The following PCNX4 variants were observed in gnomAD, a reference collection of about 807,000 sequenced individuals.
PCNX4 encodes pecanex 4.
A neutral mutation model predicts 107.2 loss-of-function variants in PCNX4; 103 were observed. The ratio of observed to expected loss-of-function variants is 0.96; its 90% confidence interval spans 0.82 to 1.13. The LOEUF is 1.13. PCNX4 is among the 50% of genes most tolerant of loss of function. The pLI is 0.00. For synonymous variants in PCNX4, 541 were observed against 481.7 expected (o/e 1.12, Z -1.61); for missense variants, 1,528 against 1,379.4 (o/e 1.11, Z -1.71).
rs902677148 is a variant in PCNX4, at chr14:60,136,356, T to C, written c.*2135T>C. ...CAACAATTGATTCTAGGCCCCCCTT[T>C]GTGTTTCTGCAATCACCATAGATAA... On this transcript the variant is annotated 3_prime_UTR_variant, in exon 11 of 11. Coordinates refer to ENST00000406854, the MANE Select transcript of PCNX4 (RefSeq NM_001330177.2). 1.3e-5 allele frequency: 2 copies of C among 152,204 alleles called. No individual in the cohort carries two copies. Among genetic ancestry groups the C allele is most frequent in the Non-Finnish European group, 2.9e-5 (2 of 68,028 alleles). The allele number at this position is 152,204 out of a possible 1,614,324, so 9.4% of individuals were successfully genotyped here.
intron 1 of PCNX4, among the ~76,000 whole-genome samples, chr14:60,095,454 A>T (rs943226779): frequency 2.0e-5 from 3 of 152,188 alleles, no homozygotes; most frequent in Non-Finnish European, 4.4e-5. Flanking sequence ...TGGGCAAAAT[A>T]TAGGGGAGGT....
chr14:60,116,182 C>A, intron 6 of PCNX4, 122 bp downstream of exon 6: 1 of 992,136 alleles, frequency 1.0e-6, no homozygotes, highest in Non-Finnish European at 1.4e-6. Context: ...ACATTTTCAA[C>A]ATCCCAAAAA....
chr14:60,112,443 GT>G (rs1216240785), intron 2 of PCNX4, among the ~76,000 whole-genome samples: 1 of 152,078 alleles, frequency 6.6e-6, no homozygotes, highest in Non-Finnish European at 1.5e-5. Flanking sequence ...TAATTTAAGT[GT>G]TTTTCCATAT....
rs1896428369 is a variant in PCNX4 at position 60,147,169 on chromosome 14, A to G, written c.*12948A>G. The G allele has an allele frequency of 6.6e-6, 1 of 152,058 alleles. No homozygotes were observed. The highest frequency in any genetic ancestry group is 2.4e-5 in the African/African-American group (1 of 41,388). The allele number at this position is 152,058 out of a possible 1,614,324, so 9.4% of individuals were successfully genotyped here. A position where few individuals can be genotyped will look rare whatever the true frequency, so the allele number is the denominator to read the frequency against. ...GATTGCTTGAGCCTGGGAGGTAGAG[A>G]TGGGAGTGAGCCATGATCACGCCAC... On this transcript the variant is annotated 3_prime_UTR_variant, in exon 11 of 11. Coordinates refer to ENST00000406854, the MANE Select transcript of PCNX4 (RefSeq NM_001330177.2).
At position 60,136,689 on chromosome 14, in the gene PCNX4, G is replaced by C. The variant is rs1233339502; in HGVS notation, c.*2468G>C. The C allele has an allele frequency of 1.3e-5, 2 of 148,614 alleles. No individual in the cohort carries two copies. Among genetic ancestry groups the C allele is most frequent in the African/African-American group, 4.8e-5 (2 of 41,282 alleles). 9.2% of individuals were successfully genotyped at this position (148,614 alleles called of 1,614,324 possible). The stretch of plus-strand genomic sequence containing the variant: ...TGGGCGTACTTATAGGCATGGGTGA[G>C]AGGGGTCTGGGCAGTATGGCTTGCT... On this transcript the variant is annotated 3_prime_UTR_variant, in exon 11 of 11. Coordinates refer to ENST00000406854, the MANE Select transcript of PCNX4 (RefSeq NM_001330177.2).
intron 6 of PCNX4, among the ~76,000 whole-genome samples, chr14:60,118,037 C>T (rs901908373): frequency 4.0e-5 from 6 of 150,096 alleles, no homozygotes; most frequent in Non-Finnish European, 8.9e-5. Flanking sequence ...TTGTCAATTT[C>T]TGCATTATCT....
In PCNX4 at chr14:60,125,219, A is replaced by G. The variant is rs1386637734; in HGVS notation, c.3048A>G (p.Pro1016=). The part of the protein sequence containing the change: ...SVALDWLTEK[P]ELFQLALKAF... The stretch of plus-strand genomic sequence containing the variant: ...CTTTGGACTGGCTCACAGAAAAGCC[A>G]GAACTGTTTCAACTAGCACTGAAAG... The change falls in exon 9 of 11, where the codon CCA becomes CCG. Residue 1016 remains proline (P), a synonymous_variant. Coordinates refer to ENST00000406854, the MANE Select transcript of PCNX4 (RefSeq NM_001330177.2). The G allele has an allele frequency of 6.3e-7, 1 of 1,595,956 alleles. No individual in the cohort carries two copies. Among genetic ancestry groups the G allele is most frequent in the Non-Finnish European group, 8.5e-7 (1 of 1,172,890 alleles).
At chr14:60,122,884 C>T (rs1764561620) in intron 8 of PCNX4, among the ~76,000 whole-genome samples, 1 of 152,108 alleles carries the variant, frequency 6.6e-6, no homozygotes, top group Admixed American at 6.6e-5. Context: ...AAAAAGCTGT[C>T]TCTTTAGTCC....
chr14:60,114,057 A>G (rs1895790043), intron 2 of PCNX4, among the ~76,000 whole-genome samples: 1 of 152,198 alleles, frequency 6.6e-6, no homozygotes, highest in Admixed American at 6.5e-5. Context: ...AGTGTTGTAA[A>G]TGCTAGTTAA....
intron 1 of PCNX4, among the ~76,000 whole-genome samples, chr14:60,106,804 C>T (rs1895638850): frequency 6.6e-6 from 1 of 152,106 alleles, no homozygotes; most frequent in Admixed American, 6.5e-5. Flanking sequence ...TTTTTCCTTT[C>T]TAGCCTAACA....
At chr14:60,107,218 C>CA (rs913812957) in intron 1 of PCNX4, among the ~76,000 whole-genome samples, 27 of 152,126 alleles carry the variant, frequency 1.8e-4, no homozygotes, top group African/African-American at 6.3e-4. Flanking sequence ...CCCATCTCTA[C>CA]AAAAAATAAA....
At chr14:60,124,082 G>A (rs1159036003) in intron 8 of PCNX4, 136 bp from the exon 9 acceptor site, 2 of 645,022 alleles carry the variant, frequency 3.1e-6, no homozygotes, top group Non-Finnish European at 5.0e-6. Context: ...TCAGGATGTT[G>A]CTCTTGAGTT....
At position 60,147,478 on chromosome 14, in the gene PCNX4, A is replaced by T. The variant is rs1002177581; in HGVS notation, c.*13257A>T. On this transcript the variant is annotated 3_prime_UTR_variant, in exon 11 of 11. Transcript: ENST00000406854. ...TTACAGTGTATATTAGATCATCACA[A>T]TGTATACCTTAAATATATATAATTT... The T allele has an allele frequency of 4.6e-5, 7 of 152,174 alleles. No individual in the cohort carries two copies. Among genetic ancestry groups the T allele is most frequent in the African/African-American group, 1.7e-4 (7 of 41,440 alleles). 9.4% of individuals were successfully genotyped at this position (152,174 alleles called of 1,614,324 possible).
intron 1 of PCNX4, among the ~76,000 whole-genome samples, chr14:60,096,235 A>G (rs1895422367): frequency 6.6e-6 from 1 of 152,228 alleles, no homozygotes; most frequent in Admixed American, 6.5e-5. Flanking sequence ...ATGATGGTGC[A>G]GGTCCTCCCT....
chr14:60,099,463 T>C (rs972068178), intron 1 of PCNX4, among the ~76,000 whole-genome samples: 4 of 152,238 alleles, frequency 2.6e-5, no homozygotes, highest in Non-Finnish European at 4.4e-5. Flanking sequence ...ATTAACTTTA[T>C]CTTTCTTGCT....
At position 60,108,147 on chromosome 14, in the gene PCNX4, C is replaced by G; in HGVS notation, c.509C>G (p.Thr170Arg). The G allele has an allele frequency of 3.1e-6, 5 of 1,612,846 alleles. No homozygotes were observed. Among genetic ancestry groups the G allele is most frequent in the Non-Finnish European group, 4.2e-6 (5 of 1,179,868 alleles). Reference protein sequence around the residue: ...PNRITLLYGSTGGTALLFFFG... With the variant: ...PNRITLLYGSRGGTALLFFFG... ...AGAATAACCTTGCTGTATGGCAGTA[C>G]AGGAGGCACTGCTCTACTATTCTTC... Residue 170 changes from threonine (T) to arginine (R), a missense_variant, in exon 2 of 11, where the codon ACA becomes AGA. Thr to Arg is a moderately conservative substitution (Grantham distance 71, BLOSUM62 -1). Coordinates refer to ENST00000406854, the MANE Select transcript of PCNX4 (RefSeq NM_001330177.2).
chr14:60,144,965 T>C lies in PCNX4; in HGVS notation c.*10744T>C. On this transcript the variant is annotated 3_prime_UTR_variant, in exon 11 of 11. Transcript: ENST00000406854. The stretch of plus-strand genomic sequence containing the variant: ...TGGCTTGAAAAGTACAGGTGCTCTT[T>C]TCAGTCATGTTTTGTCTTAAAGATT... 6.2e-7 allele frequency: 1 copy of C among 1,605,468 alleles called. No individual in the cohort carries two copies. Among genetic ancestry groups the C allele is most frequent in the Non-Finnish European group, 8.5e-7 (1 of 1,176,448 alleles).
Position 60,139,137 on chromosome 14 carries a change from C to G in PCNX4, c.*4916C>G, listed in dbSNP as rs936209689. The G allele has an allele frequency of 6.6e-6, 1 of 151,960 alleles. No homozygotes were observed. Among genetic ancestry groups the G allele is most frequent in the Non-Finnish European group, 1.5e-5 (1 of 67,908 alleles). The allele number at this position is 151,960 out of a possible 1,614,324, so 9.4% of individuals were successfully genotyped here. Reference sequence around the variant, plus strand: ...AGGTTTAAATATCAGTTACAACATTCATATGAATAGACAGTGTACCAATTA... The same window carrying G: ...AGGTTTAAATATCAGTTACAACATTGATATGAATAGACAGTGTACCAATTA... On this transcript the variant is annotated 3_prime_UTR_variant, in exon 11 of 11. Coordinates refer to ENST00000406854, the MANE Select transcript of PCNX4 (RefSeq NM_001330177.2).
chr14:60,093,583 A>G (rs1895356596), intron 1 of PCNX4, among the ~76,000 whole-genome samples: 1 of 152,204 alleles, frequency 6.6e-6, no homozygotes, highest in Non-Finnish European at 1.5e-5. Flanking sequence ...ACATTTATCC[A>G]TTCATTGATG....
Sources: allele counts gnomAD v4.1 joint callset (sites outside exome capture counted in the v4.1 genomes callset), GRCh38; gene constraint gnomAD v4.1.1; transcripts MANE v1.5; gene names NCBI Gene and HGNC (gene_info 2026-07-23, HGNC 2026-07-21).